Variants in NTN1 observed in about 807,000 individuals in gnomAD.
The protein encoded by NTN1 is netrin-1.
A neutral mutation model predicts 54.2 loss-of-function variants in NTN1; 11 were observed. That is an observed-to-expected ratio of 0.20 (90% confidence interval 0.13 to 0.34). The LOEUF is 0.34. Ranked by LOEUF, NTN1 falls within the 10% of genes least tolerant of loss-of-function variation. NTN1 has a pLI of 1.00. For synonymous variants in NTN1, 371 were observed against 382.0 expected (o/e 0.97, Z 0.33); for missense variants, 740 against 893.1 (o/e 0.83, Z 2.18).
At chr17:9,127,062 TGGTAGGGCC>T (rs1567716823) in intron 2 of NTN1, among the ~76,000 whole-genome samples, 1 of 21,406 alleles carries the variant, frequency 4.7e-5, no homozygotes, top group Non-Finnish European at 9.2e-5. Flanking sequence ...AGTGAGATTG[TGGTAGGGCC>T]GGGGGGGGGC....
chr17:9,097,377 C>A (rs147275989), intron 2 of NTN1, among the ~76,000 whole-genome samples: 308 of 152,278 alleles, frequency 2.0e-3, no homozygotes, highest in African/African-American at 6.9e-3. Context: ...ATAATCCCAG[C>A]ACTTTGGGAG....
In NTN1 at chr17:9,228,852, GAC is replaced by G. The variant is rs373223231; in HGVS notation, c.1486+7611_1486+7612del. Among the ~76,000 whole-genome samples the G allele has an allele frequency of 3.2e-3, 345 of 107,160 alleles. 1 individual carries two copies. Among genetic ancestry groups the G allele is most frequent in the African/African-American group, 7.5e-3 (185 of 24,558 alleles). The allele number at this position is 107,160 out of a possible 152,430, so 70.3% of individuals were successfully genotyped here. On this transcript the variant is annotated intron_variant, in intron 6 of 6. Coordinates refer to ENST00000173229, the MANE Select transcript of NTN1 (RefSeq NM_004822.3). ...TGTGTGTGTGTGTGTGTGTGTGTGT[GAC>G]TGTGTATGAGAGTGTGTCTGTGTGT...
chr17:9,022,077 T>C (rs1402713477), intron 1 of NTN1, among the ~76,000 whole-genome samples: 1 of 151,054 alleles, frequency 6.6e-6, no homozygotes, highest in Non-Finnish European at 1.5e-5. Flanking sequence ...GGGGCGGCGG[T>C]GGCGGGGAAG....
At position 9,232,029 on chromosome 17, in the gene NTN1, C is replaced by A. The variant is rs902957526; in HGVS notation, c.1487-7611C>A. 2.6e-5 allele frequency among the ~76,000 whole-genome samples: 4 copies of A among 152,122 alleles called. No individual in the cohort carries two copies. In the South Asian group the frequency reaches 8.3e-4, roughly 32 times the overall value. ...GCTGGTTGGCTGCTCCAGCCAGCCT[C>A]GGAGCACTGGGGCTGAGCCAGAGGT... On this transcript the variant is annotated intron_variant, in intron 6 of 6. Coordinates refer to ENST00000173229, the MANE Select transcript of NTN1 (RefSeq NM_004822.3).
At chr17:9,018,677 A>G (rs1473007086), upstream of NTN1, among the ~76,000 whole-genome samples, 2 of 151,120 alleles carry the variant, frequency 1.3e-5, no homozygotes, top group Non-Finnish European at 2.9e-5. Context: ...TTCAGGAGGA[A>G]GGCTTGGAAA....
At chr17:9,203,139 T>G (rs1169457294) in intron 5 of NTN1, among the ~76,000 whole-genome samples, 1 of 151,712 alleles carries the variant, frequency 6.6e-6, no homozygotes, top group Admixed American at 6.5e-5. Context: ...GCCAGGATGA[T>G]CTCGATCTCC....
At chr17:9,225,627 G>C (rs1466728670) in intron 6 of NTN1, among the ~76,000 whole-genome samples, 1 of 152,124 alleles carries the variant, frequency 6.6e-6, no homozygotes, top group Admixed American at 6.5e-5. Context: ...ACACAGACTT[G>C]GGCCAGCCCA....
intron 2 of NTN1, among the ~76,000 whole-genome samples, chr17:9,098,396 G>C (rs1005856429): frequency 1.3e-5 from 2 of 152,232 alleles, no homozygotes; most frequent in African/African-American, 4.8e-5. Context: ...CTGGACTGCA[G>C]ACCCTGGGAG....
At position 9,239,398 on chromosome 17, in the gene NTN1, G is replaced by A. The variant is rs930796391; in HGVS notation, c.1487-242G>A. ...GTGGGCCTTGACAAGGCCAGGAGAT[G>A]GCTTGTCCCGACGGCAGTGCTGGGT... On this transcript the variant is annotated intron_variant, in intron 6 of 6. Coordinates refer to ENST00000173229, the MANE Select transcript of NTN1 (RefSeq NM_004822.3). The surrounding 1 kb of genome is among the most constrained non-coding windows in gnomAD (Gnocchi z 5.2). 6.6e-6 allele frequency among the ~76,000 whole-genome samples: 1 copy of A among 152,210 alleles called. No homozygotes were observed. Among genetic ancestry groups the A allele is most frequent in the Non-Finnish European group, 1.5e-5 (1 of 68,042 alleles).
the NTN1 span, among the ~76,000 whole-genome samples, chr17:9,003,216 C>G: frequency 6.6e-6 from 1 of 152,010 alleles, no homozygotes; most frequent in South Asian, 2.1e-4. This position sits in a 1 kb window ranked among gnomAD's most constrained non-coding sequence, Gnocchi z 7.4. Flanking sequence ...GCTCGGGAAG[C>G]TCTGGCTGGG....
chr17:9,205,275 G>A (rs554543039), intron 5 of NTN1, among the ~76,000 whole-genome samples: 1 of 152,302 alleles, frequency 6.6e-6, no homozygotes, highest in African/African-American at 2.4e-5. Flanking sequence ...AATAGATGGG[G>A]GTAGAGGAAG....
At chr17:9,226,754 AC>A (rs1284556446) in intron 6 of NTN1, among the ~76,000 whole-genome samples, 2 of 151,974 alleles carry the variant, frequency 1.3e-5, no homozygotes, top group Non-Finnish European at 2.9e-5. Context: ...CCTTGGAGGG[AC>A]CCTTCCTCTG....
At chr17:9,041,571 A>G (rs1350705962) in intron 2 of NTN1, among the ~76,000 whole-genome samples, 1 of 152,206 alleles carries the variant, frequency 6.6e-6, no homozygotes, top group African/African-American at 2.4e-5. Context: ...ATTTTGATTC[A>G]TTCATCAGTT....
rs958776157 is a variant in NTN1, at chr17:9,163,105, T to G, written c.1207+104T>G. On this transcript the variant is annotated intron_variant, in intron 3 of 6. Transcript: ENST00000173229. ...TCTATTTTCTTCCAGTCTGTACAAA[T>G]TGGCGTTGTCTGAGGTCATCTCTCT... 112 of 1,206,476 alleles carry G rather than the reference T, an allele frequency of 9.3e-5. 3 individuals are homozygous for G. In the South Asian group the frequency reaches 1.5e-3, roughly 16 times the overall value. 74.7% of individuals were successfully genotyped at this position (1,206,476 alleles called of 1,614,324 possible). A position where few individuals can be genotyped will look rare whatever the true frequency, so the allele number is the denominator to read the frequency against.
At chr17:9,112,078 T>C (rs1264164468) in intron 2 of NTN1, among the ~76,000 whole-genome samples, 1 of 152,224 alleles carries the variant, frequency 6.6e-6, no homozygotes, top group African/African-American at 2.4e-5. Flanking sequence ...AAGATGCCTC[T>C]TGGGTGAACA....
intron 2 of NTN1, among the ~76,000 whole-genome samples, chr17:9,093,598 G>A (rs2092120945): frequency 6.6e-6 from 1 of 152,176 alleles, no homozygotes; most frequent in Admixed American, 6.5e-5. Flanking sequence ...GGGCTCAAGT[G>A]GTCCTCCTGC....
intron 2 of NTN1, among the ~76,000 whole-genome samples, chr17:9,133,668 A>C (rs1056004327): frequency 1.4e-5 from 2 of 146,556 alleles, no homozygotes; most frequent in Admixed American, 6.8e-5. Context: ...GCTCACTGCA[A>C]CCTCCACCTC....
chr17:9,089,167 C>G (rs978095234), intron 2 of NTN1, among the ~76,000 whole-genome samples: 1 of 152,162 alleles, frequency 6.6e-6, no homozygotes, highest in African/African-American at 2.4e-5. Flanking sequence ...AATCCCAGCA[C>G]TTTGGGAGGC....
intron 2 of NTN1, among the ~76,000 whole-genome samples, chr17:9,032,016 C>T (rs569479498): frequency 5.8e-4 from 88 of 152,120 alleles, no homozygotes; most frequent in African/African-American, 2.1e-3. Flanking sequence ...AGTGGATGCC[C>T]TCCCTGCAGG....
Sources: allele counts gnomAD v4.1 joint callset (sites outside exome capture counted in the v4.1 genomes callset), GRCh38; gene constraint gnomAD v4.1.1; non-coding constraint Gnocchi (gnomAD v3.1); transcripts MANE v1.5; gene names NCBI Gene and HGNC (gene_info 2026-07-23, HGNC 2026-07-21).